The following DPP6 variants were observed in gnomAD, a reference collection of about 807,000 sequenced individuals.
DPP6 encodes the protein A-type potassium channel modulatory protein DPP6.
Under a neutral mutation model 122.6 loss-of-function variants are expected in DPP6, and 69 were observed. That is an observed-to-expected ratio of 0.56 (90% CI 0.46 to 0.69). The LOEUF is 0.69. Among genes scored for constraint, DPP6 ranks in the 30% least tolerant of loss-of-function variants. DPP6 has a pLI of 0.00. For missense variants in DPP6, 928 were observed against 1,116.9 expected (o/e 0.83, Z 2.41); for synonymous variants, 418 against 433.1 (o/e 0.97, Z 0.43).
At chr7:154,431,515 A>T (rs1253848544) in intron 1 of DPP6, among the ~76,000 whole-genome samples, 61 of 47,934 alleles carry the variant, frequency 1.3e-3, no homozygotes, top group South Asian at 2.7e-3. Context: ...TCTTTCTTTT[A>T]TTATTTCTTT....
At chr7:154,442,900 G>C (rs1819512235) in intron 1 of DPP6, among the ~76,000 whole-genome samples, 1 of 152,138 alleles carries the variant, frequency 6.6e-6, no homozygotes, top group African/African-American at 2.4e-5. Flanking sequence ...TCCCACCCTG[G>C]TTTCTGCAAG....
intron 1 of DPP6, among the ~76,000 whole-genome samples, chr7:154,354,912 G>C (rs2151086770): frequency 6.6e-6 from 1 of 152,300 alleles, no homozygotes; most frequent in South Asian, 2.1e-4. Context: ...GTTCAGCTTT[G>C]GTTGATTCTG....
In DPP6 at chr7:154,082,846, CTT is replaced by C. The variant is rs1174987723; in HGVS notation, c.243+29802_243+29803del. On this transcript the variant is annotated intron_variant, in intron 1 of 25. Transcript: ENST00000377770. ...CTGTGTGTGCCTATCTTTTCTTTTT[CTT>C]TTTTTTTTTTTTTTTTTTGAGATGG... Among the ~76,000 whole-genome samples, 169 of 106,250 alleles carry C rather than the reference CTT, an allele frequency of 1.6e-3. 2 individuals are homozygous for C. Among genetic ancestry groups the C allele is most frequent in the African/African-American group, 6.5e-3 (161 of 24,932 alleles). 69.7% of individuals were successfully genotyped at this position (106,250 alleles called of 152,430 possible). A position where few individuals can be genotyped will look rare whatever the true frequency, so the allele number is the denominator to read the frequency against.
the DPP6 span, among the ~76,000 whole-genome samples, chr7:153,848,963 C>T: frequency 6.6e-6 from 1 of 152,020 alleles, no homozygotes; most frequent in African/African-American, 2.4e-5. Context: ...TATCTTAGGT[C>T]TAATACATAA....
In DPP6 at chr7:154,877,524, A is replaced by T. The variant is rs1804990021; in HGVS notation, c.2078+1424A>T. Among the ~76,000 whole-genome samples the T allele has an allele frequency of 6.6e-6, 1 of 151,900 alleles. No homozygotes were observed. Among genetic ancestry groups the T allele is most frequent in the African/African-American group, 2.4e-5 (1 of 41,328 alleles). On this transcript the variant is annotated intron_variant, in intron 20 of 25. Coordinates refer to ENST00000377770, the MANE Select transcript of DPP6 (RefSeq NM_130797.4). This position sits in a 1 kb window ranked among gnomAD's most constrained non-coding sequence, Gnocchi z 5.2. ...CCAGACACCAACAATGTCACCAACG[A>T]CCCAGGCTCTCTCCGTCTCTCCGCC...
rs1051918866 is a variant in DPP6 at position 154,833,629 on chromosome 7, A to G, written c.1667-20151A>G. On this transcript the variant is annotated intron_variant, in intron 16 of 25. Coordinates refer to ENST00000377770, the MANE Select transcript of DPP6 (RefSeq NM_130797.4). This position sits in a 1 kb window ranked among gnomAD's most constrained non-coding sequence, Gnocchi z 4.3. ...AGCTCCGACTCTGACTCCGTATCTC[A>G]GAGGTGGGGGGCTCTGGTCATTTGC... Among the ~76,000 whole-genome samples, 12 of 152,140 alleles carry G rather than the reference A, an allele frequency of 7.9e-5. No individual in the cohort carries two copies. Among genetic ancestry groups the G allele is most frequent in the Admixed American group, 6.5e-4 (10 of 15,268 alleles).
chr7:154,202,631 T>A (rs887313749), intron 1 of DPP6, among the ~76,000 whole-genome samples: 2 of 152,146 alleles, frequency 1.3e-5, no homozygotes, highest in Non-Finnish European at 2.9e-5. Flanking sequence ...CAGCACCAGC[T>A]ATTACATCTG....
intron 1 of DPP6, among the ~76,000 whole-genome samples, chr7:154,317,024 G>A (rs534280636): frequency 2.2e-4 from 34 of 152,304 alleles, no homozygotes; most frequent in African/African-American, 7.0e-4. Flanking sequence ...ATCCCAAGGT[G>A]TAAAGAAGCA....
intron 1 of DPP6, among the ~76,000 whole-genome samples, chr7:154,355,059 TC>T (rs1312898316): frequency 1.8e-4 from 27 of 152,240 alleles, no homozygotes; most frequent in African/African-American, 6.5e-4. Context: ...TTTTTACCAT[TC>T]TGGTAGGATC....
intron 1 of DPP6, among the ~76,000 whole-genome samples, chr7:154,394,958 A>G (rs1165703952): frequency 6.6e-6 from 1 of 152,186 alleles, no homozygotes; most frequent in African/African-American, 2.4e-5. Flanking sequence ...GATGGTGTTG[A>G]GTCTGTATAT....
the DPP6 span, among the ~76,000 whole-genome samples, chr7:153,845,007 A>C: frequency 3.9e-5 from 6 of 152,174 alleles, no homozygotes; most frequent in Non-Finnish European, 7.4e-5. Context: ...TTTTGAATTA[A>C]AAAGTAGGAC....
chr7:154,793,966 C>T (rs1797846539), intron 10 of DPP6, 113 bp from the exon 11 acceptor site: 2 of 1,461,674 alleles, frequency 1.4e-6, no homozygotes, highest in Admixed American at 4.7e-5. Flanking sequence ...TGTGTCACCA[C>T]TGGCTCCGGC....
At chr7:153,918,565 AGTCTCTCTCTCTCTCTCTCT>A (rs1268993982) in intron 1 of DPP6, among the ~76,000 whole-genome samples, 2,212 of 57,438 alleles carry the variant, frequency 0.039, 44 homozygotes, top group Non-Finnish European at 0.042. Flanking sequence ...ACACACACAC[AGTCTCTCTCTCTCTCTCTCT>A]CTCTCTCTCT....
rs763606808 is a variant in DPP6, at chr7:154,885,701, C to A, written c.2202C>A (p.Thr734=). The change falls in exon 22 of 26, where the codon ACC becomes ACA. Residue 734 remains threonine (T), a synonymous_variant. Coordinates refer to ENST00000377770, the MANE Select transcript of DPP6 (RefSeq NM_130797.4). ...GAGAAAATCAAGGCCAGACATTCACCTGCGGCTCTGCTCTCTCTCCAATAA... is the reference window on the plus strand; with the variant it reads ...GAGAAAATCAAGGCCAGACATTCACATGCGGCTCTGCTCTCTCTCCAATAA... ...AKGENQGQTF[T]CGSALSPITD... 1.3e-6 allele frequency: 2 copies of A among 1,599,502 alleles called. No homozygotes were observed. Among genetic ancestry groups the A allele is most frequent in the Non-Finnish European group, 8.5e-7 (1 of 1,173,078 alleles).
At chr7:153,930,197 C>T (rs1218686104) in intron 1 of DPP6, among the ~76,000 whole-genome samples, 2 of 152,244 alleles carry the variant, frequency 1.3e-5, no homozygotes, top group Admixed American at 6.5e-5. Context: ...AATCAAGACA[C>T]AGAGTACAGA....
chr7:154,301,523 C>T (rs1232840140), intron 1 of DPP6, among the ~76,000 whole-genome samples: 1 of 152,114 alleles, frequency 6.6e-6, no homozygotes, highest in Non-Finnish European at 1.5e-5. Flanking sequence ...GGTAACACGT[C>T]CTGTATTTGC....
chr7:154,206,948 G>A (rs891213161), intron 1 of DPP6, among the ~76,000 whole-genome samples: 1 of 152,226 alleles, frequency 6.6e-6, no homozygotes, highest in East Asian at 1.9e-4. Flanking sequence ...ATTCATGAAG[G>A]TATGCAAGGA....
At chr7:154,063,106 C>T (rs369113757) in intron 1 of DPP6, among the ~76,000 whole-genome samples, 1 of 128,116 alleles carries the variant, frequency 7.8e-6, no homozygotes, top group African/African-American at 2.8e-5. Context: ...CTGTTAGTAC[C>T]CCCATCGCAG....
chr7:153,916,682 C>T, intron 1 of DPP6, among the ~76,000 whole-genome samples: 1 of 152,074 alleles, frequency 6.6e-6, no homozygotes. Context: ...GCTGGGATTA[C>T]AAGCGTGAGC....
Sources: gnomAD v4.1 joint callset for allele counts (sites outside exome capture counted in the v4.1 genomes callset) on GRCh38, gnomAD v4.1.1 for gene constraint, Gnocchi (gnomAD v3.1) non-coding constraint, MANE v1.5 for transcripts, NCBI Gene and HGNC (gene_info 2026-07-23, HGNC 2026-07-21) for gene names.